The following PALM variants were observed in gnomAD, a reference collection of about 807,000 sequenced individuals.
The protein encoded by PALM is paralemmin, also known as paralemmin-1.
Under a neutral mutation model 30.7 loss-of-function variants are expected in PALM, and 18 were observed. The ratio of observed to expected loss-of-function variants is 0.59; its 90% CI spans 0.41 to 0.87. The LOEUF is 0.87. Ranked by LOEUF, PALM falls within the 40% of genes least tolerant of loss-of-function variation. The probability of loss-of-function intolerance (pLI) is 0.00; values close to 1 mark genes in which losing one functional copy is unlikely to be tolerated. For synonymous variants in PALM, 286 were observed against 242.8 expected (o/e 1.18, Z -1.66); for missense variants, 529 against 555.4 (o/e 0.95, Z 0.48).
At chr19:732,502 C>G (rs760062794) in intron 5 of PALM, among the ~76,000 whole-genome samples, 12 of 152,294 alleles carry the variant, frequency 7.9e-5, no homozygotes, top group Non-Finnish European at 1.2e-4. Context: ...CAAGACCAGC[C>G]TGACCAACAT....
At chr19:724,215 G>A (rs376038058) in intron 1 of PALM, among the ~76,000 whole-genome samples, 10 of 152,092 alleles carry the variant, frequency 6.6e-5, no homozygotes, top group Admixed American at 2.0e-4. Flanking sequence ...CGAGGGCTTC[G>A]GTTTCTGGAC....
At position 731,153 on chromosome 19, in the gene PALM, G is replaced by A. The variant is rs2032860640; in HGVS notation, c.328G>A (p.Glu110Lys). The stretch of plus-strand genomic sequence containing the variant: ...AGACTCCGCCCCAGCCACTGCCAAG[G>A]AGAACGCGGCGGCCCCGAGCCCAGT... ...RGDSAPATAK[E>K]NAAAPSPVRA... The change falls in exon 5 of 9, where the codon GAG (glutamate) becomes AAG (lysine). Residue 110 changes from glutamate (E) to lysine (K), a missense_variant. Coordinates refer to ENST00000338448, the MANE Select transcript of PALM (RefSeq NM_002579.3). The A allele has an allele frequency of 2.5e-6, 4 of 1,608,896 alleles. No individual in the cohort carries two copies. The highest frequency in any genetic ancestry group is 3.4e-6 in the Non-Finnish European group (4 of 1,178,076).
chr19:734,510 G>T (rs1480255982), intron 6 of PALM: 6 of 384,016 alleles, frequency 1.6e-5, no homozygotes, highest in Non-Finnish European at 2.4e-5. Flanking sequence ...TCAAGAGCAT[G>T]CTGGGCAACA....
At chr19:739,255 C>T (rs2033117368) in intron 7 of PALM, among the ~76,000 whole-genome samples, 1 of 151,936 alleles carries the variant, frequency 6.6e-6, no homozygotes, top group South Asian at 2.1e-4. Flanking sequence ...CAACCGTTGG[C>T]TGGAAGGAGG....
chr19:741,867 G>A (rs945152655), intron 8 of PALM, among the ~76,000 whole-genome samples: 1 of 152,088 alleles, frequency 6.6e-6, no homozygotes, highest in Non-Finnish European at 1.5e-5. Context: ...ACTTTCTGAA[G>A]AAAGAGTTTC....
intron 1 of PALM, chr19:719,716 G>C: frequency 1.3e-6 from 1 of 785,892 alleles, no homozygotes. Context: ...CCGGGGTCCT[G>C]GTCCCAGCCT....
chr19:711,154 A>C (rs2032066678), intron 1 of PALM: 1 of 973,186 alleles, frequency 1.0e-6, no homozygotes, highest in Non-Finnish European at 1.2e-6. Flanking sequence ...GTGAGGATTT[A>C]AGGAGAACTA....
In PALM at chr19:731,600, C is replaced by T. The variant is rs568956288; in HGVS notation, c.420+355C>T. On this transcript the variant is annotated intron_variant, in intron 5 of 8. Transcript: ENST00000338448. ...CAGAAGGGCTCAGGGAAGCAGGAGACCCGCCTGGGGGCGTCAGAAGGGCTC... is the reference window on the plus strand; with the variant it reads ...CAGAAGGGCTCAGGGAAGCAGGAGATCCGCCTGGGGGCGTCAGAAGGGCTC... Among the ~76,000 whole-genome samples, 174 of 151,582 alleles carry T rather than the reference C, an allele frequency of 1.1e-3. 1 individual carries two copies. Among genetic ancestry groups the T allele is most frequent in the African/African-American group, 3.9e-3 (163 of 41,298 alleles).
chr19:744,760 G>T (rs988414295), intron 8 of PALM, among the ~76,000 whole-genome samples: 1 of 151,704 alleles, frequency 6.6e-6, no homozygotes, highest in Non-Finnish European at 1.5e-5. Flanking sequence ...CGGGCATGGT[G>T]GCGGGTGCCT....
At chr19:726,957 G>GGT in intron 2 of PALM, 51 bp from the exon 3 acceptor site, 2 of 1,109,144 alleles carry the variant, frequency 1.8e-6, no homozygotes, top group Admixed American at 2.1e-5. Flanking sequence ...GGGTGGGGGG[G>GGT]TCTCCGGGAC....
chr19:738,609 A>T (rs1367443170), intron 7 of PALM, among the ~76,000 whole-genome samples: 1 of 150,926 alleles, frequency 6.6e-6, no homozygotes, highest in Non-Finnish European at 1.5e-5. Context: ...GCAGATTGGG[A>T]GTAGTGTTAT....
chr19:733,939 T>A (rs557890716), intron 5 of PALM, among the ~76,000 whole-genome samples: 1 of 152,134 alleles, frequency 6.6e-6, no homozygotes, highest in South Asian at 2.1e-4. Flanking sequence ...TGAGCCAAGA[T>A]TGCCCCATTG....
chr19:710,862 C>T (rs1485279603), intron 1 of PALM, among the ~76,000 whole-genome samples: 1 of 152,232 alleles, frequency 6.6e-6, no homozygotes, highest in Middle Eastern at 3.2e-3. Flanking sequence ...ACTCTCTCCC[C>T]GGTTCCCGGG....
intron 1 of PALM, among the ~76,000 whole-genome samples, chr19:716,581 G>C (rs544187886): frequency 3.9e-5 from 6 of 152,170 alleles, no homozygotes; most frequent in Non-Finnish European, 7.3e-5. Context: ...CTGAAGGCCG[G>C]GGAGGGACAG....
Position 745,643 on chromosome 19 carries a change from C to T in PALM, c.635-642C>T, listed in dbSNP as rs551051501. ...TAGGGAGGCGGAGGTTGCGGTGAGCCGAGACAGTACCACTGCACTCCAGCC... is the reference window on the plus strand; with the variant it reads ...TAGGGAGGCGGAGGTTGCGGTGAGCTGAGACAGTACCACTGCACTCCAGCC... On this transcript the variant is annotated intron_variant, in intron 8 of 8. Transcript: ENST00000338448. Among the ~76,000 whole-genome samples, 13 of 139,272 alleles carry T rather than the reference C, an allele frequency of 9.3e-5. No individual in the cohort carries two copies. The South Asian group carries it at 1.8e-3, about 20-fold the overall frequency. 91.4% of individuals were successfully genotyped at this position (139,272 alleles called of 152,430 possible).
intron 1 of PALM, chr19:719,227 C>G: frequency 5.1e-6 from 5 of 985,590 alleles, no homozygotes; most frequent in Non-Finnish European, 6.0e-6. Context: ...TCGGACAGGG[C>G]CCGCCCTGCT....
intron 2 of PALM, 43 bp downstream of exon 2, chr19:726,232 A>G: frequency 1.9e-6 from 3 of 1,574,230 alleles, no homozygotes; most frequent in Non-Finnish European, 2.6e-6. Context: ...CAGGGTGGGG[A>G]AGTGGGGGGA....
chr19:730,353 G>A (rs2032832271), intron 4 of PALM, among the ~76,000 whole-genome samples: 2 of 152,150 alleles, frequency 1.3e-5, no homozygotes, highest in Non-Finnish European at 2.9e-5. Context: ...CGTGAATGTC[G>A]CCCGCCCTTG....
intron 1 of PALM, among the ~76,000 whole-genome samples, chr19:710,158 G>A (rs1038528185): frequency 6.6e-6 from 1 of 152,092 alleles, no homozygotes; most frequent in African/African-American, 2.4e-5. Flanking sequence ...TCTGGAGGCC[G>A]CCTGTGGCCC....
Sources: gnomAD v4.1 joint callset for allele counts (sites outside exome capture counted in the v4.1 genomes callset) on GRCh38, gnomAD v4.1.1 for gene constraint, MANE v1.5 for transcripts, NCBI Gene and HGNC (gene_info 2026-07-23, HGNC 2026-07-21) for gene names.